SMPX: variants seen among roughly 807,000 people sequenced by gnomAD.
SMPX encodes small muscular protein.
A neutral mutation model predicts 6.3 loss-of-function variants in SMPX; 2 were observed. The observed-to-expected ratio is 0.32, with a 90% CI of 0.13 to 0.99. The LOEUF (loss-of-function observed/expected upper bound fraction) is 0.99, where lower values mean the gene tolerates loss of function less well. Ranked by LOEUF, SMPX falls within the 50% of genes least tolerant of loss-of-function variation. The probability of loss-of-function intolerance (pLI) is 0.49; values close to 1 mark genes in which losing one functional copy is unlikely to be tolerated. For synonymous variants in SMPX, 32 were observed against 24.7 expected, an observed-to-expected ratio of 1.30 and a Z score of -0.88; for missense variants, 60 against 66.8, an observed-to-expected ratio of 0.90 and a Z score of 0.36.
chrX:21,745,954 TTAATTTTAGTGATGCGCCCCCATGTGGCC>T (rs1465987054), intron 2 of SMPX, among the ~76,000 whole-genome samples: 1 of 111,905 alleles, frequency 8.9e-6, no homozygotes, highest in Non-Finnish European at 1.9e-5. Flanking sequence ...TGTTCGGAGA[TTAATTTTAGTGATGCGCCCCCATGTGGCC>T]TCTCCATGTT....
intron 4 of SMPX, among the ~76,000 whole-genome samples, chrX:21,710,854 A>G (rs2147370486): frequency 8.9e-6 from 1 of 111,787 alleles, no homozygotes; most frequent in African/African-American, 3.3e-5. Flanking sequence ...GAACTCCACC[A>G]ACTGATTACA....
chrX:21,747,362 G>GA (rs924867860), intron 2 of SMPX, among the ~76,000 whole-genome samples: 4 of 110,758 alleles, frequency 3.6e-5, no homozygotes, highest in Non-Finnish European at 5.7e-5. Flanking sequence ...GTTGGGAATG[G>GA]AAAAAAAATC....
At chrX:21,713,630 G>A (rs1018518807) in intron 4 of SMPX, among the ~76,000 whole-genome samples, 10 of 111,221 alleles carry the variant, frequency 9.0e-5, no homozygotes, top group African/African-American at 3.0e-4. Flanking sequence ...ACTATCACGA[G>A]AACAACATGA....
chrX:21,711,288 C>T (rs948486484), intron 4 of SMPX, among the ~76,000 whole-genome samples: 19 of 111,854 alleles, frequency 1.7e-4, no homozygotes, highest in African/African-American at 6.2e-4. Context: ...CTGTAAAGCA[C>T]TCTTGTTTGT....
At chrX:21,738,805 C>T (rs2092813265) in intron 3 of SMPX, among the ~76,000 whole-genome samples, 1 of 111,159 alleles carries the variant, frequency 9.0e-6, no homozygotes. Context: ...GCGACTTCAC[C>T]TGGAGAACTT....
intron 4 of SMPX, among the ~76,000 whole-genome samples, chrX:21,711,307 T>C (rs1350502595): frequency 2.7e-5 from 3 of 111,656 alleles, no homozygotes; most frequent in African/African-American, 9.8e-5. Context: ...GTCAGGGTGT[T>C]GGAATGCAAG....
chrX:21,715,908 GC>G (rs2092784606), intron 4 of SMPX, among the ~76,000 whole-genome samples: 1 of 111,591 alleles, frequency 9.0e-6, no homozygotes, highest in South Asian at 3.8e-4. Flanking sequence ...TGTCAATAGT[GC>G]TGAGGTGGAA....
At chrX:21,739,306 G>A (rs1322071843) in intron 3 of SMPX, among the ~76,000 whole-genome samples, 1 of 112,044 alleles carries the variant, frequency 8.9e-6, no homozygotes, top group Non-Finnish European at 1.9e-5. Flanking sequence ...ATTGTTTATC[G>A]GAGGGGATGA....
At chrX:21,750,011 C>A (rs776046593) in intron 2 of SMPX, among the ~76,000 whole-genome samples, 7 of 111,725 alleles carry the variant, frequency 6.3e-5, no homozygotes, top group Admixed American at 9.5e-5. Context: ...GGATCAGTGA[C>A]AATCCAGAGA....
chrX:21,711,110 A>G (rs2092778277), intron 4 of SMPX, among the ~76,000 whole-genome samples: 1 of 111,956 alleles, frequency 8.9e-6, no homozygotes, highest in African/African-American at 3.3e-5. Flanking sequence ...AGACGGCCAG[A>G]GTCTCCATCC....
intron 4 of SMPX, chrX:21,727,367 C>T (rs191722894): frequency 2.7e-5 from 3 of 112,038 alleles, no homozygotes; most frequent in African/African-American, 6.5e-5. Flanking sequence ...AACTAAAATG[C>T]AGCCATGATT....
chrX:21,747,453 T>C (rs751010399), intron 2 of SMPX, among the ~76,000 whole-genome samples: 1 of 111,987 alleles, frequency 8.9e-6, no homozygotes, highest in South Asian at 3.7e-4. Flanking sequence ...CTACACTTGA[T>C]CTCACTAGGT....
intron 4 of SMPX, among the ~76,000 whole-genome samples, chrX:21,714,066 C>T (rs1216900435): frequency 9.0e-6 from 1 of 111,491 alleles, no homozygotes; most frequent in Non-Finnish European, 1.9e-5. Context: ...AACAAATCCA[C>T]AGGGTTTTGT....
intron 2 of SMPX, among the ~76,000 whole-genome samples, chrX:21,744,534 T>A (rs190258218): frequency 8.9e-6 from 1 of 111,931 alleles, no homozygotes; most frequent in East Asian, 2.8e-4. Flanking sequence ...AAACATTAAA[T>A]TAGGTAAGGA....
rs747668157 is a variant in SMPX, at chrX:21,715,316, GCGCGCT to G, written c.*15-8928_*15-8923del. Among the ~76,000 whole-genome samples the G allele has an allele frequency of 3.9e-3, 426 of 109,631 alleles. 1 individual carries two copies. The highest frequency in any genetic ancestry group is 0.014 in the African/African-American group (406 of 29,722). ...TGTGTGTGTGTGTGCGCGCACGCGC[GCGCGCT>G]CGCGCGCTGGTGGGGGGTTAAACCA... On this transcript the variant is annotated intron_variant, in intron 4 of 4. Coordinates refer to ENST00000379494, the MANE Select transcript of SMPX (RefSeq NM_014332.3).
chrX:21,754,009 T>C (rs979196258), intron 2 of SMPX, among the ~76,000 whole-genome samples: 3 of 112,789 alleles, frequency 2.7e-5, no homozygotes, highest in African/African-American at 9.7e-5. Context: ...TTTTAGAAGA[T>C]AATTTAATTC....
chrX:21,712,753 A>C (rs532623611), intron 4 of SMPX, among the ~76,000 whole-genome samples: 1 of 112,254 alleles, frequency 8.9e-6, no homozygotes, highest in Non-Finnish European at 1.9e-5. Flanking sequence ...TAAATAAGTC[A>C]AGGAGACTGC....
intron 4 of SMPX, among the ~76,000 whole-genome samples, chrX:21,708,972 G>GTCAC (rs2092775778): frequency 8.9e-6 from 1 of 112,509 alleles, no homozygotes; most frequent in Non-Finnish European, 1.9e-5. Context: ...TATCCATGTT[G>GTCAC]TCACATATTG....
chrX:21,709,190 T>A (rs1318346604), intron 4 of SMPX, among the ~76,000 whole-genome samples: 1 of 112,146 alleles, frequency 8.9e-6, no homozygotes, highest in Non-Finnish European at 1.9e-5. Flanking sequence ...ATTTCACAGC[T>A]TCATCCTGGG....
Sources: allele counts gnomAD v4.1 joint callset (sites outside exome capture counted in the v4.1 genomes callset), GRCh38; gene constraint gnomAD v4.1.1; transcripts MANE v1.5; gene names NCBI Gene and HGNC (gene_info 2026-07-23, HGNC 2026-07-21).